ZNF48: variants seen among roughly 807,000 people sequenced by gnomAD.
ZNF48 encodes zinc finger protein 553.
ZNF48 carries 20 observed loss-of-function variants against 40.0 expected under a neutral mutation model. The ratio of observed to expected loss-of-function variants is 0.50; its 90% CI spans 0.35 to 0.73. The LOEUF (loss-of-function observed/expected upper bound fraction) is 0.73. ZNF48 is among the 30% of genes least tolerant of loss of function. The probability of loss-of-function intolerance (pLI) is 0.01; values close to 1 mark genes in which losing one functional copy is unlikely to be tolerated. For synonymous variants in ZNF48, 298 were observed against 329.7 expected, an observed-to-expected ratio of 0.90 and a Z score of 1.04; for missense variants, 726 against 851.9, an observed-to-expected ratio of 0.85 and a Z score of 1.84.
Position 30,381,240 on chromosome 16 carries a change from G to A in ZNF48, c.-16+2830G>A, listed in dbSNP as rs765085320. On this transcript the variant is annotated intron_variant, in intron 1 of 2. Coordinates refer to the ZNF48 transcript ENST00000528032. This position sits in a 1 kb window ranked among gnomAD's most constrained non-coding sequence, Gnocchi z 4.3. ...CGGAGGAAGGCCACATCTAGGGGCC[G>A]GAGCCTGCACCCAGGGATTGGTCAT... 3 of 1,613,948 alleles carry A rather than the reference G, an allele frequency of 1.9e-6. No individual in the cohort carries two copies. The highest frequency in any genetic ancestry group is 1.7e-5 in the Admixed American group (1 of 59,980).
chr16:30,390,867 G>A (rs1336929972), upstream of ZNF48, among the ~76,000 whole-genome samples: 2 of 151,526 alleles, frequency 1.3e-5, no homozygotes, highest in African/African-American at 4.9e-5. Context: ...CTCGTGATCT[G>A]CCCACCTCAG....
intron 1 of ZNF48, chr16:30,379,070 G>A (rs2049799986): frequency 6.2e-7 from 1 of 1,613,848 alleles, no homozygotes; most frequent in African/African-American, 1.3e-5. Flanking sequence ...TGTAGGCAGC[G>A]GGCCCGGTAG....
intron 1 of ZNF48, among the ~76,000 whole-genome samples, chr16:30,385,954 G>A (rs1597012504): frequency 2.0e-5 from 3 of 151,608 alleles, no homozygotes; most frequent in South Asian, 2.1e-4. Context: ...AGCAAGACCC[G>A]ATCTGTATTA....
chr16:30,382,482 G>T lies in ZNF48; in HGVS notation c.-16+4072G>T. ...GGGTCTGGGGACCCCAGGCATGGGG[G>T]CTGGGGGCCGAGATGCCCAGGTTTC... is the stretch of plus-strand genomic sequence containing the variant. On this transcript the variant is annotated intron_variant, in intron 1 of 2. Transcript: ENST00000528032. This position sits in a 1 kb window ranked among gnomAD's most constrained non-coding sequence, Gnocchi z 4.8. 1 of 1,586,056 alleles carries T rather than the reference G, an allele frequency of 6.3e-7. No individual in the cohort carries two copies. The highest frequency in any genetic ancestry group is 1.7e-4 in the Middle Eastern group (1 of 5,976).
chr16:30,395,283 G>C (rs1310670723), upstream of ZNF48: 1 of 456,036 alleles, frequency 2.2e-6, no homozygotes, highest in Non-Finnish European at 4.4e-6. The surrounding 1 kb of genome is among the most constrained non-coding windows in gnomAD (Gnocchi z 5.9). Flanking sequence ...GCCGGCCTCG[G>C]CTTAGAGTAG....
Position 30,382,460 on chromosome 16 carries a change from T to C in ZNF48, c.-16+4050T>C. On this transcript the variant is annotated intron_variant, in intron 1 of 2. Transcript: ENST00000528032. This position sits in a 1 kb window ranked among gnomAD's most constrained non-coding sequence, Gnocchi z 4.8. ...CCTGGGCTAGGAAGAGTCAGTGGGG[T>C]CTGGGGACCCCAGGCATGGGGGCTG... 1.3e-6 allele frequency: 2 copies of C among 1,576,950 alleles called. No homozygotes were observed. Among genetic ancestry groups the C allele is most frequent in the Non-Finnish European group, 1.7e-6 (2 of 1,152,532 alleles).
intron 1 of ZNF48, among the ~76,000 whole-genome samples, chr16:30,389,966 G>A (rs993754894): frequency 2.0e-5 from 3 of 151,388 alleles, no homozygotes; most frequent in Non-Finnish European, 2.9e-5. Context: ...TGGGACTATA[G>A]CTTTGCAACA....
rs773842676 is a variant in ZNF48 at position 30,397,236 on chromosome 16, AC to A, written c.80-93del. 4 of 1,167,806 alleles carry A rather than the reference AC, an allele frequency of 3.4e-6. No homozygotes were observed. Among genetic ancestry groups the A allele is most frequent in the Non-Finnish European group, 4.9e-6 (4 of 822,978 alleles). The allele number at this position is 1,167,806 out of a possible 1,614,324, so 72.3% of individuals were successfully genotyped here. A position where few individuals can be genotyped will look rare whatever the true frequency, so the allele number is the denominator to read the frequency against. On this transcript the variant is annotated intron_variant, in intron 2 of 2. Coordinates refer to ENST00000613509, the MANE Select transcript of ZNF48 (RefSeq NM_001214909.2). The surrounding 1 kb of genome is among the most constrained non-coding windows in gnomAD (Gnocchi z 4.1). ...CAGAGAGATTGGGGTTCCTGTGACC[AC>A]AGATTGTCAAGGGAGTCTTCCTGGA...
chr16:30,379,854 G>T, intron 1 of ZNF48: 3 of 795,060 alleles, frequency 3.8e-6, no homozygotes, highest in Non-Finnish European at 4.2e-6. Context: ...GGATCCTCCC[G>T]TCTCAGCCTC....
At position 30,397,279 on chromosome 16, in the gene ZNF48, A is replaced by G. The variant is rs372902405; in HGVS notation, c.80-51A>G. ...CTTCCTGGAGAGGTTGCTGTCAAAG[A>G]TAAGTACCGAGCCAAAGGGGAGGGT... On this transcript the variant is annotated intron_variant, in intron 2 of 2. Transcript: ENST00000613509. The surrounding 1 kb of genome is among the most constrained non-coding windows in gnomAD (Gnocchi z 4.1). The G allele has an allele frequency of 4.2e-4, 636 of 1,527,568 alleles. No homozygotes were observed. Among genetic ancestry groups the G allele is most frequent in the Non-Finnish European group, 5.5e-4 (625 of 1,129,766 alleles). 94.6% of individuals were successfully genotyped at this position (1,527,568 alleles called of 1,614,324 possible).
Position 30,400,018 on chromosome 16 carries a change from G to A in ZNF48, c.*911G>A, listed in dbSNP as rs1195009021. 6.6e-6 allele frequency: 1 copy of A among 152,274 alleles called. No homozygotes were observed. Among genetic ancestry groups the A allele is most frequent in the African/African-American group, 2.4e-5 (1 of 41,454 alleles). 9.4% of individuals were successfully genotyped at this position (152,274 alleles called of 1,614,324 possible). Reference sequence around the variant, plus strand: ...TACACACAGGCATGAAAAAGGTGGAGAGGGGTCTCTGCGCGCAAAACTCAG... The same window carrying A: ...TACACACAGGCATGAAAAAGGTGGAAAGGGGTCTCTGCGCGCAAAACTCAG... On this transcript the variant is annotated 3_prime_UTR_variant, in exon 3 of 3. Coordinates refer to ENST00000613509, the MANE Select transcript of ZNF48 (RefSeq NM_001214909.2).
At chr16:30,390,409 T>G (rs1466194508) in intron 1 of ZNF48, among the ~76,000 whole-genome samples, 1 of 151,992 alleles carries the variant, frequency 6.6e-6, no homozygotes, top group South Asian at 2.1e-4. Flanking sequence ...TTTTTTATTT[T>G]TATTTATTTA....
At chr16:30,386,336 CAT>C (rs1160371323) in intron 1 of ZNF48, among the ~76,000 whole-genome samples, 9 of 152,044 alleles carry the variant, frequency 5.9e-5, no homozygotes, top group East Asian at 3.9e-4. Context: ...ACAACCAACA[CAT>C]GTTTTCATAG....
upstream of ZNF48, among the ~76,000 whole-genome samples, chr16:30,390,616 T>TG (rs2049935210): frequency 5.8e-5 from 3 of 51,734 alleles, no homozygotes; most frequent in African/African-American, 1.5e-4. Flanking sequence ...TTTTTTTTTT[T>TG]TTTTTTTTTT....
chr16:30,390,140 C>A (rs1464923852), intron 1 of ZNF48, among the ~76,000 whole-genome samples: 2 of 151,884 alleles, frequency 1.3e-5, no homozygotes, highest in African/African-American at 4.8e-5. Flanking sequence ...TCTTCTTCAT[C>A]TTGCCATCAT....
At chr16:30,392,308 C>T (rs2049949218), upstream of ZNF48, among the ~76,000 whole-genome samples, 2 of 152,110 alleles carry the variant, frequency 1.3e-5, no homozygotes, top group African/African-American at 4.8e-5. Flanking sequence ...CAGGAGTGAG[C>T]CACCGCCCCC....
chr16:30,386,613 C>A (rs1027529950), intron 1 of ZNF48, among the ~76,000 whole-genome samples: 3 of 152,130 alleles, frequency 2.0e-5, no homozygotes, highest in Admixed American at 1.3e-4. Context: ...CAGAGCCAGA[C>A]CCTACCTCGA....
upstream of ZNF48, among the ~76,000 whole-genome samples, chr16:30,391,374 G>A (rs1397014023): frequency 6.6e-6 from 1 of 151,220 alleles, no homozygotes; most frequent in Non-Finnish European, 1.5e-5. Flanking sequence ...ATTTTTAGTA[G>A]AGACAGGTTT....
intron 1 of ZNF48, chr16:30,379,031 G>C (rs1204619093): frequency 1.2e-6 from 2 of 1,612,666 alleles, no homozygotes; most frequent in African/African-American, 2.7e-5. Flanking sequence ...CGGCTGGCTC[G>C]ATCGCGAGCC....
Sources: gnomAD v4.1 joint callset for allele counts (sites outside exome capture counted in the v4.1 genomes callset) on GRCh38, gnomAD v4.1.1 for gene constraint, Gnocchi (gnomAD v3.1) non-coding constraint, MANE v1.5 for transcripts, NCBI Gene and HGNC (gene_info 2026-07-23, HGNC 2026-07-21) for gene names.